OLFM3: variants seen among roughly 807,000 people sequenced by gnomAD.
The protein encoded by OLFM3 is noelin-3.
Under a neutral mutation model 48.6 loss-of-function variants are expected in OLFM3, and 20 were observed. The ratio of observed to expected loss-of-function variants is 0.41; its 90% CI spans 0.29 to 0.60. The LOEUF (loss-of-function observed/expected upper bound fraction) is 0.60, where lower values mean the gene tolerates loss of function less well. OLFM3 is among the 20% of genes least tolerant of loss of function. The pLI is 0.28. For synonymous variants in OLFM3, 222 were observed against 198.1 expected (o/e 1.12, Z -1.01); for missense variants, 437 against 544.3 (o/e 0.80, Z 1.96).
chr1:101,948,282 A>C (rs1316832862), intron 1 of OLFM3, among the ~76,000 whole-genome samples: 2 of 152,160 alleles, frequency 1.3e-5, no homozygotes, highest in Admixed American at 6.5e-5. Flanking sequence ...TTAACCTATG[A>C]AATTTATTAC....
rs367837817 is a variant in OLFM3 at position 101,941,715 on chromosome 1, T to C, written c.69+55033A>G. The stretch of plus-strand genomic sequence containing the variant: ...GAGGTTGCTTACATTTTAACTCAGG[T>C]ATCTCTTTATCCTTGCTAAGGGAAG... On this transcript the variant is annotated intron_variant, in intron 1 of 5. Coordinates refer to ENST00000370103, the MANE Select transcript of OLFM3 (RefSeq NM_058170.4). 3.3e-4 allele frequency among the ~76,000 whole-genome samples: 51 copies of C among 152,314 alleles called. 1 individual carries two copies. In the South Asian group the frequency reaches 0.011, roughly 32 times the overall value.
At chr1:101,918,335 T>C (rs1312965924) in intron 1 of OLFM3, among the ~76,000 whole-genome samples, 1 of 152,138 alleles carries the variant, frequency 6.6e-6, no homozygotes. Flanking sequence ...ATATCTTAAG[T>C]TGTTTTGGTC....
intron 1 of OLFM3, among the ~76,000 whole-genome samples, chr1:101,956,981 T>G (rs773524646): frequency 6.6e-6 from 1 of 151,726 alleles, no homozygotes; most frequent in Non-Finnish European, 1.5e-5. Context: ...GGATCTCTAA[T>G]AGCAGAAACA....
intron 1 of OLFM3, among the ~76,000 whole-genome samples, chr1:101,889,680 T>C (rs964558907): frequency 9.9e-5 from 15 of 151,882 alleles, no homozygotes; most frequent in Admixed American, 7.2e-4. Context: ...AAAAAGTGCA[T>C]GTAATAAATT....
intron 4 of OLFM3, among the ~76,000 whole-genome samples, chr1:101,822,528 C>T (rs1654659297): frequency 6.6e-6 from 1 of 152,008 alleles, no homozygotes; most frequent in South Asian, 2.1e-4. Flanking sequence ...ACAAATGGAC[C>T]TCCTCCTCAA....
At chr1:101,963,475 T>C (rs1192604674) in intron 1 of OLFM3, among the ~76,000 whole-genome samples, 1 of 151,892 alleles carries the variant, frequency 6.6e-6, no homozygotes, top group African/African-American at 2.4e-5. Flanking sequence ...AAGATTTGTA[T>C]CAGAAGGTAG....
At chr1:101,919,494 A>T (rs1256942569) in intron 1 of OLFM3, among the ~76,000 whole-genome samples, 1 of 152,184 alleles carries the variant, frequency 6.6e-6, no homozygotes, top group Admixed American at 6.5e-5. Flanking sequence ...TTCAAAGCAG[A>T]TGATTATTCT....
At chr1:101,848,063 G>C (rs542733137) in intron 1 of OLFM3, among the ~76,000 whole-genome samples, 2 of 151,900 alleles carry the variant, frequency 1.3e-5, no homozygotes, top group Admixed American at 6.6e-5. Flanking sequence ...TAGAATCCAG[G>C]GTTTATGGGT....
intron 1 of OLFM3, among the ~76,000 whole-genome samples, chr1:101,954,481 A>G (rs996252147): frequency 2.0e-5 from 3 of 152,068 alleles, no homozygotes; most frequent in Non-Finnish European, 4.4e-5. Flanking sequence ...CTTGCTTGTA[A>G]TGAACATGTA....
At chr1:101,825,321 T>C in intron 3 of OLFM3, 76 bp from the exon 4 acceptor site, 1 of 1,088,072 alleles carries the variant, frequency 9.2e-7, no homozygotes, top group Non-Finnish European at 1.3e-6. Context: ...ATTATGATAC[T>C]TAAAGGAAAT....
intron 3 of OLFM3, among the ~76,000 whole-genome samples, chr1:101,826,337 A>G (rs148835125): frequency 1.3e-5 from 2 of 152,228 alleles, no homozygotes; most frequent in Admixed American, 6.5e-5. Flanking sequence ...TTCTTTATTT[A>G]TTTCAGGAGT....
At chr1:101,952,545 A>G (rs1328897824) in intron 1 of OLFM3, among the ~76,000 whole-genome samples, 1 of 152,132 alleles carries the variant, frequency 6.6e-6, no homozygotes, top group East Asian at 1.9e-4. Context: ...TATTATAAAT[A>G]TATGTAAGAC....
intron 1 of OLFM3, among the ~76,000 whole-genome samples, chr1:101,858,248 T>C (rs1656509412): frequency 6.6e-6 from 1 of 152,122 alleles, no homozygotes; most frequent in Admixed American, 6.5e-5. Flanking sequence ...TTAATATTTT[T>C]CTACCAAAAA....
At chr1:101,884,574 A>C (rs1381500883) in intron 1 of OLFM3, among the ~76,000 whole-genome samples, 2 of 152,046 alleles carry the variant, frequency 1.3e-5, no homozygotes, top group African/African-American at 4.8e-5. Context: ...ACCAGGATTT[A>C]AGACAGAAAG....
intron 1 of OLFM3, among the ~76,000 whole-genome samples, chr1:101,881,749 A>G (rs1291624615): frequency 6.6e-6 from 1 of 151,758 alleles, no homozygotes; most frequent in Non-Finnish European, 1.5e-5. Context: ...ACAAAAGTCC[A>G]GCCACTGTCA....
chr1:101,974,765 T>A (rs2101100802), intron 1 of OLFM3, among the ~76,000 whole-genome samples: 1 of 152,286 alleles, frequency 6.6e-6, no homozygotes, highest in Middle Eastern at 3.4e-3. Flanking sequence ...GACATTTGCT[T>A]ATCTACTTTT....
chr1:101,871,930 T>C (rs1287261901), intron 1 of OLFM3, among the ~76,000 whole-genome samples: 1 of 152,020 alleles, frequency 6.6e-6, no homozygotes, highest in African/African-American at 2.4e-5. Context: ...ATGATGAACG[T>C]TGTCATAGAA....
At chr1:101,911,915 T>C (rs1658771838) in intron 1 of OLFM3, among the ~76,000 whole-genome samples, 1 of 152,234 alleles carries the variant, frequency 6.6e-6, no homozygotes, top group Admixed American at 6.5e-5. Context: ...AGTAGGTAAT[T>C]GTGAAAGGAG....
At chr1:101,949,001 T>A (rs985440259) in intron 1 of OLFM3, among the ~76,000 whole-genome samples, 3 of 151,424 alleles carry the variant, frequency 2.0e-5, no homozygotes, top group Non-Finnish European at 4.4e-5. Flanking sequence ...AAAAAGTGAT[T>A]GCTAATTATA....
Sources: gnomAD v4.1 joint callset for allele counts (sites outside exome capture counted in the v4.1 genomes callset) on GRCh38, gnomAD v4.1.1 for gene constraint, MANE v1.5 for transcripts, NCBI Gene and HGNC (gene_info 2026-07-23, HGNC 2026-07-21) for gene names.